TRIOBP: variants seen among roughly 807,000 people sequenced by gnomAD.
TRIOBP encodes TRIO and F-actin-binding protein.
Under a neutral mutation model 238.8 loss-of-function variants are expected in TRIOBP, and 169 were observed. The observed-to-expected ratio is 0.71, with a 90% confidence interval of 0.62 to 0.80. The LOEUF is 0.80. Ranked by LOEUF, TRIOBP falls within the 30% of genes least tolerant of loss-of-function variation. The probability of loss-of-function intolerance (pLI) is 0.00; values close to 1 mark genes in which losing one functional copy is unlikely to be tolerated. For missense variants in TRIOBP, 2,838 were observed against 3,122.6 expected (o/e 0.91, Z 2.17); for synonymous variants, 1,150 against 1,274.4 (o/e 0.90, Z 2.08).
intron 2 of TRIOBP, among the ~76,000 whole-genome samples, chr22:37,700,731 G>A (rs780973919): frequency 4.6e-5 from 7 of 151,984 alleles, no homozygotes; most frequent in East Asian, 1.9e-4. Flanking sequence ...TCACTCTGTC[G>A]CCCAGGCTGG....
At chr22:37,749,509 G>A (rs989265317) in intron 11 of TRIOBP, among the ~76,000 whole-genome samples, 3 of 152,130 alleles carry the variant, frequency 2.0e-5, no homozygotes, top group Non-Finnish European at 4.4e-5. Context: ...CAGTACTCCC[G>A]AAAGGCGGAA....
chr22:37,755,039 G>T (rs1195503746), intron 13 of TRIOBP, 55 bp downstream of exon 13: 1 of 1,610,686 alleles, frequency 6.2e-7, no homozygotes, highest in African/African-American at 1.3e-5. Flanking sequence ...TGGCCTGGCT[G>T]GGTTCACTGG....
Position 37,772,743 on chromosome 22 carries a change from G to A in TRIOBP, c.7079G>A (p.Arg2360His), listed in dbSNP as rs373460457. The change falls in exon 23 of 24, where the codon CGC (arginine) becomes CAC (histidine). Residue 2360 changes from arginine to histidine, a missense_variant. By Grantham distance (29) the Arg-to-His change is conservative (BLOSUM62 0). Coordinates refer to ENST00000644935, the MANE Select transcript of TRIOBP (RefSeq NM_001039141.3). ...MAALQEKESM[R>H]NSLAE Reference sequence around the variant, plus strand: ...GCCCTCCAGGAGAAGGAGTCGATGCGCAACAGCCTGGCTGAGTAGAGGTGG... The same window carrying A: ...GCCCTCCAGGAGAAGGAGTCGATGCACAACAGCCTGGCTGAGTAGAGGTGG... The A allele has an allele frequency of 3.0e-5, 49 of 1,613,466 alleles. No homozygotes were observed. The highest frequency in any genetic ancestry group is 2.0e-4 in the African/African-American group (15 of 74,914).
chr22:37,756,327 A>G (rs1221900240), intron 15 of TRIOBP, among the ~76,000 whole-genome samples: 1 of 152,112 alleles, frequency 6.6e-6, no homozygotes, highest in Non-Finnish European at 1.5e-5. Flanking sequence ...TGGCCGTGGT[A>G]GGGTGCGCCT....
At chr22:37,718,949 C>G (rs1178153719) in intron 6 of TRIOBP, among the ~76,000 whole-genome samples, 1 of 145,614 alleles carries the variant, frequency 6.9e-6, no homozygotes, top group East Asian at 2.2e-4. Flanking sequence ...TGGGTTCAAG[C>G]GATTCTCCTG....
At chr22:37,763,453 C>T (rs889112004) in intron 17 of TRIOBP, among the ~76,000 whole-genome samples, 1 of 152,084 alleles carries the variant, frequency 6.6e-6, no homozygotes, top group African/African-American at 2.4e-5. Flanking sequence ...AGCTCTTGGC[C>T]CTCGCTCCTC....
Position 37,775,335 on chromosome 22 carries a change from C to A in TRIOBP, c.*1555C>A, listed in dbSNP as rs188828418. 3.9e-5 allele frequency: 6 copies of A among 152,316 alleles called. No homozygotes were observed. In the East Asian group the frequency reaches 1.2e-3, roughly 29 times the overall value. The allele number at this position is 152,316 out of a possible 1,614,324, so 9.4% of individuals were successfully genotyped here. A position where few individuals can be genotyped will look rare whatever the true frequency, so the allele number is the denominator to read the frequency against. ...AGGCAAAGAGCCACAGGAGAGTGAC[C>A]TCGTGGAGTGGGAAGAGATTGTTTC... On this transcript the variant is annotated 3_prime_UTR_variant, in exon 24 of 24. Coordinates refer to ENST00000644935, the MANE Select transcript of TRIOBP (RefSeq NM_001039141.3).
At chr22:37,719,989 C>CACACTGCACTCACTGTTTCTCTCAT (rs367687004) in intron 6 of TRIOBP, among the ~76,000 whole-genome samples, 1 of 71,202 alleles carries the variant, frequency 1.4e-5, no homozygotes, top group Non-Finnish European at 2.5e-5. Flanking sequence ...TTTCACTCAT[C>CACACTGCACTCACTGTTTCTCTCAT]CCCCCCCGCC....
At position 37,724,277 on chromosome 22, in the gene TRIOBP, A is replaced by G. The variant is rs1923990755; in HGVS notation, c.1721A>G (p.Asn574Ser). 1 of 1,565,352 alleles carries G rather than the reference A, an allele frequency of 6.4e-7. No individual in the cohort carries two copies. Among genetic ancestry groups the G allele is most frequent in the Non-Finnish European group, 8.6e-7 (1 of 1,164,288 alleles). ...TSSPNRATRD[N>S]PRTSCAQRDN... ...TCTCCCAATAGAGCCACACGAGACA[A>G]CCCCAGAACATCCTGTGCCCAGCGG... Residue 574 changes from asparagine (N) to serine (S), a missense_variant, in exon 7 of 24, where the codon AAC becomes AGC. By Grantham distance (46) the Asn-to-Ser change is conservative. Coordinates refer to ENST00000644935, the MANE Select transcript of TRIOBP (RefSeq NM_001039141.3).
Position 37,765,827 on chromosome 22 carries a change from CTGGGGGGGGCACAG to C in TRIOBP, c.6472+15_6472+28del. The C allele has an allele frequency of 6.6e-7, 1 of 1,509,196 alleles. No individual in the cohort carries two copies. The highest frequency in any genetic ancestry group is 8.8e-7 in the Non-Finnish European group (1 of 1,140,602). 93.5% of individuals were successfully genotyped at this position (1,509,196 alleles called of 1,614,324 possible). A position where few individuals can be genotyped will look rare whatever the true frequency, so the allele number is the denominator to read the frequency against. ...GCAGCCACGGCCTCAGGTATGGACC[CTGGGGGGGGCACAG>C]TGGGCTGGGCTCTGAGCCTCTGTGC... On this transcript the variant is annotated intron_variant, in intron 18 of 23. Coordinates refer to ENST00000644935, the MANE Select transcript of TRIOBP (RefSeq NM_001039141.3).
intron 7 of TRIOBP, among the ~76,000 whole-genome samples, chr22:37,729,919 T>G (rs1924344142): frequency 6.6e-6 from 1 of 152,188 alleles, no homozygotes; most frequent in Non-Finnish European, 1.5e-5. Context: ...GGAGTGTGCT[T>G]TTATTTTCTC....
At chr22:37,746,086 C>T (rs1319459671) in intron 11 of TRIOBP, 4 of 708,474 alleles carry the variant, frequency 5.6e-6, no homozygotes, top group African/African-American at 2.0e-5. Context: ...CCCTAGCGCG[C>T]CCGTCCCGTT....
intron 17 of TRIOBP, chr22:37,759,840 ACT>A: frequency 1.7e-6 from 2 of 1,170,190 alleles, no homozygotes; most frequent in Non-Finnish European, 2.2e-6. Context: ...GGACAAACTA[ACT>A]CTCTAGAAAA....
At chr22:37,750,524 C>T (rs1267761751) in intron 11 of TRIOBP, 3 of 413,904 alleles carry the variant, frequency 7.2e-6, no homozygotes, top group African/African-American at 6.1e-5. Flanking sequence ...CTTGGGATCG[C>T]CCTGGGCAGC....
chr22:37,703,989 A>G lies in TRIOBP; in HGVS notation c.114+2510A>G, dbSNP rs140446940. 8.9e-4 allele frequency among the ~76,000 whole-genome samples: 136 copies of G among 152,252 alleles called. 1 individual carries two copies. Among genetic ancestry groups the G allele is most frequent in the African/African-American group, 3.1e-3 (127 of 41,550 alleles). On this transcript the variant is annotated intron_variant, in intron 3 of 23. Coordinates refer to ENST00000644935, the MANE Select transcript of TRIOBP (RefSeq NM_001039141.3). The stretch of plus-strand genomic sequence containing the variant: ...TCGTCTGAGTTCTAGTCTCAATCCC[A>G]CCATTTCCCACCCGAGACCGTGGGT...
Position 37,725,226 on chromosome 22 carries a change from C to A in TRIOBP, c.2670C>A (p.Asn890Lys). ...CTCCCCACCGCTCCACTCAATGGAACAATCCCAGGAATTCATCTCCCCATC... is the reference window on the plus strand; with the variant it reads ...CTCCCCACCGCTCCACTCAATGGAAAAATCCCAGGAATTCATCTCCCCATC... ...PSSPHRSTQW[N>K]NPRNSSPHRT... The change falls in exon 7 of 24, where the codon AAC becomes AAA. Residue 890 changes from asparagine (N) to lysine (K), a missense_variant. Transcript: ENST00000644935. 6.2e-7 allele frequency: 1 copy of A among 1,614,076 alleles called. No homozygotes were observed. The highest frequency in any genetic ancestry group is 8.5e-7 in the Non-Finnish European group (1 of 1,180,018).
rs1486924418 is a variant in TRIOBP, at chr22:37,772,589, C to T, written c.6937-12C>T. 6.2e-7 allele frequency: 1 copy of T among 1,613,926 alleles called. No individual in the cohort carries two copies. Among genetic ancestry groups the T allele is most frequent in the African/African-American group, 1.3e-5 (1 of 74,924 alleles). On this transcript the variant is annotated splice_polypyrimidine_tract_variant and intron_variant, in intron 22 of 23. Transcript: ENST00000644935. ...AGACTTCATGCCCTCATACCTGCCT[C>T]CTGCCCCCCAGGACAAGCGCTTCAC...
At chr22:37,739,355 G>C (rs1924829945) in intron 10 of TRIOBP, among the ~76,000 whole-genome samples, 1 of 152,170 alleles carries the variant, frequency 6.6e-6, no homozygotes, top group African/African-American at 2.4e-5. Flanking sequence ...GACTGTTTGG[G>C]GCTGTGTTTT....
At chr22:37,761,543 G>C (rs1926244027) in intron 17 of TRIOBP, among the ~76,000 whole-genome samples, 1 of 152,216 alleles carries the variant, frequency 6.6e-6, no homozygotes, top group African/African-American at 2.4e-5. Flanking sequence ...GGAAAGTGAT[G>C]TTGGAGTGGA....
Sources: allele counts gnomAD v4.1 joint callset (sites outside exome capture counted in the v4.1 genomes callset), GRCh38; gene constraint gnomAD v4.1.1; transcripts MANE v1.5; gene names NCBI Gene and HGNC (gene_info 2026-07-23, HGNC 2026-07-21).